Variants in CHSY3 observed in about 807,000 individuals in gnomAD.
CHSY3 encodes N-acetylgalactosaminyl-proteoglycan 3-beta-glucuronosyltransferase 3.
In CHSY3, 35 loss-of-function variants were observed where a neutral mutation model predicts 67.2. The observed-to-expected ratio is 0.52, with a 90% CI of 0.40 to 0.69. The LOEUF (loss-of-function observed/expected upper bound fraction) is 0.69, where lower values mean the gene tolerates loss of function less well. CHSY3 is among the 30% of genes least tolerant of loss of function. The probability of loss-of-function intolerance (pLI) is 0.00; values close to 1 mark genes in which losing one functional copy is unlikely to be tolerated. For synonymous variants in CHSY3, 474 were observed against 434.7 expected, an observed-to-expected ratio of 1.09 and a Z score of -1.12; for missense variants, 1,069 against 1,138.5, an observed-to-expected ratio of 0.94 and a Z score of 0.88.
At chr5:130,124,341 G>A (rs575049874) in intron 2 of CHSY3, among the ~76,000 whole-genome samples, 2 of 150,834 alleles carry the variant, frequency 1.3e-5, no homozygotes, top group South Asian at 4.1e-4. Context: ...ATTCTTCTGA[G>A]AATGAATCAA....
chr5:129,959,355 T>C (rs1209899384), intron 2 of CHSY3, among the ~76,000 whole-genome samples: 1 of 152,124 alleles, frequency 6.6e-6, no homozygotes, highest in Non-Finnish European at 1.5e-5. Flanking sequence ...TGTTTTTTGA[T>C]GCTTTCACAT....
chr5:130,184,434 T>G lies in CHSY3; in HGVS notation c.1292T>G (p.Met431Arg). 2 of 1,613,716 alleles carry G rather than the reference T, an allele frequency of 1.2e-6. No homozygotes were observed. The highest frequency in any genetic ancestry group is 1.7e-6 in the Non-Finnish European group (2 of 1,179,604). Residue 431 changes from methionine to arginine, a missense_variant, in exon 3 of 3, where the codon ATG (methionine) becomes AGG (arginine). By Grantham distance (91) the Met-to-Arg change is moderately conservative. Transcript: ENST00000305031. ...CAGCTCCACAGGGAAAGTGCCCTGATGAGCAAGCTCAGTAACACAGAAGTG... is the reference window on the plus strand; with the variant it reads ...CAGCTCCACAGGGAAAGTGCCCTGAGGAGCAAGCTCAGTAACACAGAAGTG... ...TIQLHRESAL[M>R]SKLSNTEVSK...
chr5:130,093,973 T>A (rs977956094), intron 2 of CHSY3, among the ~76,000 whole-genome samples: 2 of 152,154 alleles, frequency 1.3e-5, no homozygotes, highest in Non-Finnish European at 2.9e-5. Flanking sequence ...TTCACCATTA[T>A]CTACTATTAT....
intron 2 of CHSY3, among the ~76,000 whole-genome samples, chr5:130,067,493 G>T (rs73785867): frequency 0.025 from 3,832 of 152,208 alleles, 143 homozygotes; most frequent in African/African-American, 0.087. Context: ...ATGAAAGCAT[G>T]ATTCTAGAGT....
chr5:130,078,745 CCTTATTCTTTTGCTCAG>C (rs1766352150), intron 2 of CHSY3, among the ~76,000 whole-genome samples: 1 of 152,126 alleles, frequency 6.6e-6, no homozygotes, highest in Admixed American at 6.6e-5. Context: ...TCAAAGCAGA[CCTTATTCTTTTGCTCAG>C]TGCTTGAACC....
Position 129,908,329 on chromosome 5 carries a change from T to G in CHSY3, c.1055T>G (p.Phe352Cys). The change falls in exon 2 of 3, where the codon TTT becomes TGT. Residue 352 changes from phenylalanine to cysteine, a missense_variant. By Grantham distance (205) the Phe-to-Cys change is radical (BLOSUM62 -2). Coordinates refer to ENST00000305031, the MANE Select transcript of CHSY3 (RefSeq NM_175856.5). Reference protein sequence around the residue: ...DVEVGRCVRRFGGTQCVWSYE... With the variant: ...DVEVGRCVRRCGGTQCVWSYE... ...GAAGTAGGAAGATGCGTTCGCCGTT[T>G]TGGTGGGACTCAGTGTGTCTGGTCT... 1 of 1,613,992 alleles carries G rather than the reference T, an allele frequency of 6.2e-7. No homozygotes were observed. Among genetic ancestry groups the G allele is most frequent in the Non-Finnish European group, 8.5e-7 (1 of 1,179,880 alleles).
intron 2 of CHSY3, among the ~76,000 whole-genome samples, chr5:129,933,485 A>G (rs1561461663): frequency 8.6e-6 from 1 of 116,142 alleles, no homozygotes; most frequent in Non-Finnish European, 2.1e-5. Context: ...TCTGAATATT[A>G]TATTTAAAAT....
chr5:130,079,320 C>T (rs1033709344), intron 2 of CHSY3, among the ~76,000 whole-genome samples: 1 of 152,084 alleles, frequency 6.6e-6, no homozygotes, highest in Non-Finnish European at 1.5e-5. Flanking sequence ...ATATTTTATA[C>T]ACTTACAGAT....
intron 2 of CHSY3, among the ~76,000 whole-genome samples, chr5:130,020,960 G>A (rs1367132533): frequency 3.3e-5 from 5 of 152,092 alleles, no homozygotes; most frequent in Non-Finnish European, 7.4e-5. Context: ...AAGGAGCCAT[G>A]TTTTATTCAG....
chr5:130,029,942 G>A (rs191085632), intron 2 of CHSY3, among the ~76,000 whole-genome samples: 14 of 152,224 alleles, frequency 9.2e-5, no homozygotes, highest in Non-Finnish European at 1.9e-4. Context: ...AAAAATGTAA[G>A]AAGTAGTGGA....
At chr5:130,097,995 C>T (rs1305412019) in intron 2 of CHSY3, among the ~76,000 whole-genome samples, 1 of 151,942 alleles carries the variant, frequency 6.6e-6, no homozygotes, top group Non-Finnish European at 1.5e-5. Flanking sequence ...CAGAGCCAGA[C>T]TCCATCTCAA....
intron 2 of CHSY3, among the ~76,000 whole-genome samples, chr5:130,124,646 G>A (rs1269424357): frequency 1.3e-5 from 2 of 151,952 alleles, no homozygotes; most frequent in Non-Finnish European, 2.9e-5. Context: ...TATTAGAGAC[G>A]GTGTTTCGCC....
intron 2 of CHSY3, among the ~76,000 whole-genome samples, chr5:129,981,085 G>T (rs1762970785): frequency 1.3e-5 from 2 of 151,420 alleles, no homozygotes; most frequent in African/African-American, 2.4e-5. Context: ...GCCGGACGTG[G>T]TGGCGGGCGC....
intron 2 of CHSY3, among the ~76,000 whole-genome samples, chr5:129,958,956 C>T (rs1382309992): frequency 6.6e-6 from 1 of 152,008 alleles, no homozygotes; most frequent in African/African-American, 2.4e-5. Flanking sequence ...TCAGTATTTC[C>T]TTGTTAGCCT....
At chr5:130,141,552 C>A in intron 2 of CHSY3, 1 of 408,348 alleles carries the variant, frequency 2.4e-6, no homozygotes, top group Non-Finnish European at 4.8e-6. Context: ...GCCATTTGAG[C>A]AAGGAAGACA....
At chr5:129,955,229 A>T (rs1029778034) in intron 2 of CHSY3, among the ~76,000 whole-genome samples, 7 of 151,780 alleles carry the variant, frequency 4.6e-5, no homozygotes, top group African/African-American at 1.5e-4. Flanking sequence ...ATTTACACAG[A>T]TTTTGACCAA....
chr5:129,936,759 A>T (rs1048866355), intron 2 of CHSY3, among the ~76,000 whole-genome samples: 2 of 152,202 alleles, frequency 1.3e-5, no homozygotes, highest in Non-Finnish European at 2.9e-5. Flanking sequence ...ACAGTACAGA[A>T]AAATATTAAA....
intron 2 of CHSY3, among the ~76,000 whole-genome samples, chr5:129,954,272 C>T (rs1382815124): frequency 6.6e-6 from 1 of 152,084 alleles, no homozygotes; most frequent in Non-Finnish European, 1.5e-5. Context: ...TCAGGTTTGT[C>T]AAAGATCAGA....
intron 2 of CHSY3, among the ~76,000 whole-genome samples, chr5:129,961,241 G>A (rs778209229): frequency 3.9e-5 from 6 of 151,994 alleles, no homozygotes; most frequent in Admixed American, 1.3e-4. Context: ...AACATATAAA[G>A]TCAGTAAAAG....
Sources: allele counts gnomAD v4.1 joint callset (sites outside exome capture counted in the v4.1 genomes callset), GRCh38; gene constraint gnomAD v4.1.1; transcripts MANE v1.5; gene names NCBI Gene and HGNC (gene_info 2026-07-23, HGNC 2026-07-21).